The following CCDC18 variants were observed in gnomAD, a reference collection of about 807,000 sequenced individuals.
CCDC18 encodes coiled-coil domain containing 18, also known as coiled-coil domain-containing protein 18.
Under a neutral mutation model 196.0 loss-of-function variants are expected in CCDC18, and 157 were observed. The ratio of observed to expected loss-of-function variants is 0.80; its 90% CI spans 0.70 to 0.91. CCDC18 has a LOEUF of 0.91. CCDC18 is among the 40% of genes least tolerant of loss of function. The pLI is 0.00. For missense variants in CCDC18, 1,465 were observed against 1,611.6 expected (o/e 0.91, Z 1.56); for synonymous variants, 482 against 529.2 (o/e 0.91, Z 1.22).
At chr1:93,180,620 C>G (rs764043557), upstream of CCDC18, 4 of 1,341,042 alleles carry the variant, frequency 3.0e-6, no homozygotes, top group Non-Finnish European at 3.9e-6. Flanking sequence ...GCGCGCTCGC[C>G]GACCACGATC....
chr1:93,234,232 G>T (rs994153428), intron 18 of CCDC18, among the ~76,000 whole-genome samples: 2 of 151,866 alleles, frequency 1.3e-5, no homozygotes, highest in Admixed American at 1.3e-4. Context: ...TGCGATCTTG[G>T]CTCACTGCAA....
intron 27 of CCDC18, among the ~76,000 whole-genome samples, chr1:93,269,264 T>C (rs973658551): frequency 9.5e-6 from 1 of 104,830 alleles, no homozygotes; most frequent in Non-Finnish European, 1.8e-5. Context: ...CATCACACAC[T>C]GGGGCCTGTT....
At chr1:93,180,155 G>A, upstream of CCDC18, 1 of 1,613,534 alleles carries the variant, frequency 6.2e-7, no homozygotes, top group Non-Finnish European at 8.5e-7. Context: ...TCGAGGGAAG[G>A]TGTGAAGCCG....
chr1:93,276,177 C>A (rs538147841), intron 28 of CCDC18, among the ~76,000 whole-genome samples: 1 of 152,230 alleles, frequency 6.6e-6, no homozygotes, highest in Non-Finnish European at 1.5e-5. Flanking sequence ...GAAACCGATA[C>A]ATGAGAAGTG....
At chr1:93,262,887 T>G (rs1437622619) in intron 26 of CCDC18, among the ~76,000 whole-genome samples, 1 of 152,054 alleles carries the variant, frequency 6.6e-6, no homozygotes, top group Non-Finnish European at 1.5e-5. Flanking sequence ...TTCCAGGCAT[T>G]TCCACACATC....
At chr1:93,184,721 C>T (rs918005171) in intron 3 of CCDC18, among the ~76,000 whole-genome samples, 2 of 151,916 alleles carry the variant, frequency 1.3e-5, no homozygotes, top group Non-Finnish European at 2.9e-5. Context: ...TCCCCCGACT[C>T]CCTACATGTA....
At chr1:93,180,254 C>T (rs1180924873), upstream of CCDC18, 1 of 1,598,628 alleles carries the variant, frequency 6.3e-7, no homozygotes, top group Non-Finnish European at 8.5e-7. Flanking sequence ...CCTGCTGGGG[C>T]GATCCCGGGC....
At chr1:93,234,933 AAG>A (rs1200324133) in intron 18 of CCDC18, among the ~76,000 whole-genome samples, 6 of 55,838 alleles carry the variant, frequency 1.1e-4, no homozygotes, top group South Asian at 8.5e-4. Flanking sequence ...ATGCCCAGCT[AAG>A]AGTGTGTGTG....
At chr1:93,261,744 T>C (rs1248522062) in intron 26 of CCDC18, among the ~76,000 whole-genome samples, 1 of 152,178 alleles carries the variant, frequency 6.6e-6, no homozygotes, top group East Asian at 1.9e-4. Context: ...TCACATATTA[T>C]TTGAAGCAAA....
intron 9 of CCDC18, among the ~76,000 whole-genome samples, chr1:93,210,299 C>T (rs1265661144): frequency 6.6e-6 from 1 of 152,098 alleles, no homozygotes; most frequent in East Asian, 1.9e-4. Context: ...TAGTGTAGCA[C>T]CTTATTTGTA....
At chr1:93,180,213 G>T, upstream of CCDC18, 1 of 1,612,604 alleles carries the variant, frequency 6.2e-7, no homozygotes. Context: ...GAAGGAGCAC[G>T]GGGAAGGGCA....
intron 27 of CCDC18, among the ~76,000 whole-genome samples, chr1:93,268,148 C>T (rs1664760787): frequency 6.6e-6 from 1 of 152,150 alleles, no homozygotes; most frequent in Non-Finnish European, 1.5e-5. Context: ...TGATCTTTGA[C>T]AAACCTGACA....
chr1:93,241,215 A>C (rs1362036047), intron 21 of CCDC18, among the ~76,000 whole-genome samples: 1 of 150,142 alleles, frequency 6.7e-6, no homozygotes. Flanking sequence ...TGGGCCTCCC[A>C]AGGTGCTGAG....
chr1:93,236,191 T>G, intron 18 of CCDC18, 57 bp from the exon 19 acceptor site: 1 of 1,395,724 alleles, frequency 7.2e-7, no homozygotes, highest in Non-Finnish European at 9.7e-7. Context: ...AGGTTACATA[T>G]TTATAAAAGT....
chr1:93,211,807 G>T (rs572774906), intron 10 of CCDC18, among the ~76,000 whole-genome samples: 1 of 152,036 alleles, frequency 6.6e-6, no homozygotes, highest in African/African-American at 2.4e-5. Context: ...CCTTGTACAT[G>T]TTTTCTTATA....
intron 25 of CCDC18, among the ~76,000 whole-genome samples, chr1:93,257,467 A>C (rs76354064): frequency 0.025 from 3,772 of 152,106 alleles, 132 homozygotes; most frequent in African/African-American, 0.081. Context: ...TTAATTATTT[A>C]GACTTTAAGA....
chr1:93,210,659 A>T, intron 9 of CCDC18, 143 bp from the exon 10 acceptor site: 1 of 555,112 alleles, frequency 1.8e-6, no homozygotes, highest in Non-Finnish European at 3.2e-6. Flanking sequence ...AATATTTCTT[A>T]ATGTATTTAT....
At chr1:93,180,895 G>T in intron 1 of CCDC18, 43 bp downstream of exon 1, 1 of 1,363,008 alleles carries the variant, frequency 7.3e-7, no homozygotes, top group Non-Finnish European at 9.8e-7. Flanking sequence ...GAGCGACTGC[G>T]CCTTGGCGTG....
rs1200351482 is a variant in CCDC18 at position 93,232,601 on chromosome 1, T to C, written c.2460+8T>C. 6.5e-7 allele frequency: 1 copy of C among 1,543,284 alleles called. No individual in the cohort carries two copies. The highest frequency in any genetic ancestry group is 1.4e-5 in the African/African-American group (1 of 72,156). ...ACTAAACTTGAAAAACAGGTATATA[T>C]TATTAGCCCAAGATTGTTTTATTTG... On this transcript the variant is annotated splice_region_variant and intron_variant, in intron 18 of 28. Transcript: ENST00000690025.
Sources: gnomAD v4.1 joint callset for allele counts (sites outside exome capture counted in the v4.1 genomes callset) on GRCh38, gnomAD v4.1.1 for gene constraint, MANE v1.5 for transcripts, NCBI Gene and HGNC (gene_info 2026-07-23, HGNC 2026-07-21) for gene names.